The following PRKG1 variants were observed in gnomAD, a reference collection of about 807,000 sequenced individuals.
The protein encoded by PRKG1 is cGMP-dependent protein kinase 1.
In PRKG1, 35 loss-of-function variants were observed where a neutral mutation model predicts 88.1. The ratio of observed to expected loss-of-function variants is 0.40; its 90% CI spans 0.30 to 0.53. PRKG1 has a LOEUF of 0.53. Ranked by LOEUF, PRKG1 falls within the 20% of genes least tolerant of loss-of-function variation. The pLI is 0.59. For missense variants in PRKG1, 540 were observed against 839.8 expected (o/e 0.64, Z 4.41); for synonymous variants, 303 against 292.5 (o/e 1.04, Z -0.37).
intron 3 of PRKG1, among the ~76,000 whole-genome samples, chr10:51,798,498 A>G (rs913838020): frequency 1.3e-5 from 2 of 151,866 alleles, no homozygotes; most frequent in Admixed American, 1.3e-4. Context: ...AAAACATAAA[A>G]TTTACTTGGC....
chr10:51,823,736 A>T (rs1839809717), intron 4 of PRKG1, among the ~76,000 whole-genome samples: 1 of 152,126 alleles, frequency 6.6e-6, no homozygotes, highest in South Asian at 2.1e-4. Flanking sequence ...ATCAATGTCT[A>T]AAATACCTAA....
At chr10:51,759,305 C>T (rs555997986) in intron 3 of PRKG1, among the ~76,000 whole-genome samples, 13 of 151,768 alleles carry the variant, frequency 8.6e-5, no homozygotes, top group African/African-American at 3.1e-4. Flanking sequence ...CTTGCTGTGT[C>T]GCCCAGGCTG....
intron 3 of PRKG1, among the ~76,000 whole-genome samples, chr10:51,514,321 G>C (rs569526728): frequency 1.3e-5 from 2 of 152,244 alleles, no homozygotes; most frequent in African/African-American, 4.8e-5. Flanking sequence ...GGTTATACTA[G>C]TGTGTTCACT....
At chr10:51,697,681 A>C (rs1327257425) in intron 3 of PRKG1, 8 of 1,611,998 alleles carry the variant, frequency 5.0e-6, no homozygotes, top group African/African-American at 1.3e-5. Context: ...ACTACAGCCA[A>C]ATATTTTCTA....
At chr10:51,206,979 GT>G (rs537882000) in intron 2 of PRKG1, among the ~76,000 whole-genome samples, 11 of 151,992 alleles carry the variant, frequency 7.2e-5, no homozygotes, top group African/African-American at 2.4e-4. Flanking sequence ...GTATTTGTTA[GT>G]TTTTTTTAAA....
Position 51,330,453 on chromosome 10 carries a change from G to A in PRKG1, c.479-137270G>A, listed in dbSNP as rs973473751. Among the ~76,000 whole-genome samples the A allele has an allele frequency of 5.9e-5, 9 of 152,102 alleles. 1 individual carries two copies. Among genetic ancestry groups the A allele is most frequent in the South Asian group, 4.1e-4 (2 of 4,824 alleles). ...GGCGTGAGCCACCACACCCGGCCACGTTCTCTCTTTTGATGCTGTTCCATA... is the reference window on the plus strand; with the variant it reads ...GGCGTGAGCCACCACACCCGGCCACATTCTCTCTTTTGATGCTGTTCCATA... On this transcript the variant is annotated intron_variant, in intron 2 of 17. Coordinates refer to ENST00000373980, the MANE Select transcript of PRKG1 (RefSeq NM_006258.4).
At chr10:52,024,017 GT>G (rs1456678864) in intron 5 of PRKG1, among the ~76,000 whole-genome samples, 1 of 152,114 alleles carries the variant, frequency 6.6e-6, no homozygotes, top group Non-Finnish European at 1.5e-5. Flanking sequence ...TATTGCCTAG[GT>G]TTTCTTCTAG....
chr10:51,610,298 C>A lies in PRKG1; in HGVS notation c.592+142462C>A, dbSNP rs536459987. ...TTCATCCCCACTGCCACTCATACAC[C>A]CTTTCCAGTCTCTGGTATCCATCAT... On this transcript the variant is annotated intron_variant, in intron 3 of 17. Coordinates refer to ENST00000373980, the MANE Select transcript of PRKG1 (RefSeq NM_006258.4). Among the ~76,000 whole-genome samples, 6 of 152,180 alleles carry A rather than the reference C, an allele frequency of 3.9e-5. No homozygotes were observed. The South Asian group carries it at 1.2e-3, about 32-fold the overall frequency.
chr10:52,071,967 G>A (rs962658377), intron 7 of PRKG1, among the ~76,000 whole-genome samples: 2 of 151,978 alleles, frequency 1.3e-5, no homozygotes, highest in African/African-American at 4.8e-5. Context: ...TATACTGCGT[G>A]TGCCTTTTGT....
intron 5 of PRKG1, among the ~76,000 whole-genome samples, chr10:51,985,203 T>A (rs954757888): frequency 1.3e-5 from 2 of 152,152 alleles, no homozygotes; most frequent in Non-Finnish European, 2.9e-5. Flanking sequence ...AAAACTCTTA[T>A]TAGAAAGCAA....
At chr10:52,125,621 G>T (rs1847913678) in intron 7 of PRKG1, 1 of 152,116 alleles carries the variant, frequency 6.6e-6, no homozygotes, top group East Asian at 1.9e-4. Flanking sequence ...CAAATGTAAT[G>T]CCTTTCCTAT....
chr10:50,992,646 T>C (rs749633208), intron 1 of PRKG1, among the ~76,000 whole-genome samples: 24 of 152,104 alleles, frequency 1.6e-4, no homozygotes, highest in Non-Finnish European at 3.1e-4. Flanking sequence ...TGTATGTCAC[T>C]CCTTTGGGGT....
chr10:51,461,477 C>T (rs1481638718), intron 2 of PRKG1, among the ~76,000 whole-genome samples: 1 of 152,060 alleles, frequency 6.6e-6, no homozygotes. Flanking sequence ...AGATACATAG[C>T]CAACTAGGAG....
At chr10:51,230,340 G>A (rs1838810213) in intron 2 of PRKG1, among the ~76,000 whole-genome samples, 2 of 152,144 alleles carry the variant, frequency 1.3e-5, no homozygotes, top group Admixed American at 1.3e-4. Flanking sequence ...GTACCTCTGG[G>A]AATTTTGATG....
chr10:51,769,817 A>G (rs1267975459), intron 3 of PRKG1, among the ~76,000 whole-genome samples: 2 of 152,230 alleles, frequency 1.3e-5, no homozygotes. Context: ...CCACACATAA[A>G]ATACACAACA....
chr10:52,123,457 T>G (rs1180011856), intron 7 of PRKG1, among the ~76,000 whole-genome samples: 10 of 152,168 alleles, frequency 6.6e-5, no homozygotes, highest in Admixed American at 1.3e-4. Flanking sequence ...CTGCCTTGGG[T>G]AAACTCCAGA....
At chr10:51,947,183 C>T (rs968020330) in intron 5 of PRKG1, among the ~76,000 whole-genome samples, 1 of 152,180 alleles carries the variant, frequency 6.6e-6, no homozygotes, top group Non-Finnish European at 1.5e-5. Context: ...TCCCCTCCCC[C>T]AGCCTCGCTG....
At chr10:51,144,958 T>C (rs549292530) in intron 1 of PRKG1, among the ~76,000 whole-genome samples, 8 of 152,334 alleles carry the variant, frequency 5.3e-5, no homozygotes, top group Admixed American at 3.9e-4. Flanking sequence ...GTATTTTTAC[T>C]AGCTGTATTT....
At chr10:52,249,417 GT>G (rs1393050893) in intron 9 of PRKG1, among the ~76,000 whole-genome samples, 1 of 151,842 alleles carries the variant, frequency 6.6e-6, no homozygotes, top group Non-Finnish European at 1.5e-5. Context: ...GGATGTCTAG[GT>G]AGCACCTCCA....
Sources: gnomAD v4.1 joint callset for allele counts (sites outside exome capture counted in the v4.1 genomes callset) on GRCh38, gnomAD v4.1.1 for gene constraint, MANE v1.5 for transcripts, NCBI Gene and HGNC (gene_info 2026-07-23, HGNC 2026-07-21) for gene names.